RIMS2: variants seen among roughly 807,000 people sequenced by gnomAD.
RIMS2 encodes the protein regulating synaptic membrane exocytosis protein 2.
In RIMS2, 59 loss-of-function variants were observed where a neutral mutation model predicts 174.4. The observed-to-expected ratio is 0.34, with a 90% CI of 0.27 to 0.42. RIMS2 has a LOEUF of 0.42. RIMS2 is among the 10% of genes least tolerant of loss of function. The pLI, the probability that RIMS2 is intolerant of heterozygous loss-of-function variation, is 1.00. For synonymous variants in RIMS2, 606 were observed against 572.5 expected (o/e 1.06, Z -0.84); for missense variants, 1,620 against 1,666.3 (o/e 0.97, Z 0.48).
intron 19 of RIMS2, among the ~76,000 whole-genome samples, chr8:104,023,099 G>A (rs180686040): frequency 3.3e-5 from 5 of 152,226 alleles, no homozygotes; most frequent in Admixed American, 3.3e-4. Context: ...AAGTTTAAGG[G>A]AGGACATTGT....
chr8:103,548,864 A>G (rs1345116028), intron 1 of RIMS2, among the ~76,000 whole-genome samples: 1 of 152,170 alleles, frequency 6.6e-6, no homozygotes, highest in East Asian at 1.9e-4. Context: ...AAGCATTTTT[A>G]TACATCAATG....
intron 2 of RIMS2, among the ~76,000 whole-genome samples, chr8:103,709,526 A>G (rs2097277134): frequency 6.6e-6 from 1 of 152,100 alleles, no homozygotes. Flanking sequence ...TTTGTTAGGT[A>G]TATTTGGAGC....
chr8:103,795,082 T>G (rs1247703227), intron 3 of RIMS2, among the ~76,000 whole-genome samples: 1 of 152,222 alleles, frequency 6.6e-6, no homozygotes, highest in African/African-American at 2.4e-5. Context: ...ATCCCATTAC[T>G]GGGTATATAC....
chr8:103,855,157 C>T (rs2099020950), intron 3 of RIMS2, among the ~76,000 whole-genome samples: 1 of 151,928 alleles, frequency 6.6e-6, no homozygotes, highest in Non-Finnish European at 1.5e-5. Context: ...GAGATGTTTA[C>T]ACTATTCTCC....
chr8:103,580,966 A>T (rs917872231), intron 1 of RIMS2, among the ~76,000 whole-genome samples: 1 of 150,924 alleles, frequency 6.6e-6, no homozygotes, highest in Non-Finnish European at 1.5e-5. Context: ...GGTAGCTGGG[A>T]CTACAGGCGC....
intron 1 of RIMS2, among the ~76,000 whole-genome samples, chr8:103,559,584 C>A (rs1184341199): frequency 6.6e-6 from 1 of 152,160 alleles, no homozygotes; most frequent in Non-Finnish European, 1.5e-5. Context: ...AGAATGTGAT[C>A]TTTTCCTAAT....
intron 3 of RIMS2, among the ~76,000 whole-genome samples, chr8:103,863,197 T>C (rs187694348): frequency 2.0e-5 from 3 of 151,912 alleles, no homozygotes; most frequent in Non-Finnish European, 4.4e-5. Flanking sequence ...TTTGTCAGAA[T>C]TTTTTTTGAC....
At chr8:104,040,537 T>C (rs1302599801) in intron 19 of RIMS2, among the ~76,000 whole-genome samples, 1 of 151,680 alleles carries the variant, frequency 6.6e-6, no homozygotes, top group Non-Finnish European at 1.5e-5. Context: ...TTGATGGATT[T>C]GGATGGATAC....
chr8:103,772,220 C>T (rs1015816561), intron 3 of RIMS2, among the ~76,000 whole-genome samples: 1 of 151,770 alleles, frequency 6.6e-6, no homozygotes, highest in Non-Finnish European at 1.5e-5. Flanking sequence ...AAAGAAAGAA[C>T]TAACACTTTA....
At chr8:103,962,193 T>C (rs2090357612) in intron 15 of RIMS2, among the ~76,000 whole-genome samples, 3 of 152,176 alleles carry the variant, frequency 2.0e-5, no homozygotes, top group African/African-American at 7.2e-5. Context: ...CATTTTTGGA[T>C]GTTTCTGTCC....
At chr8:104,097,998 T>G (rs1222930798) in intron 19 of RIMS2, among the ~76,000 whole-genome samples, 2 of 152,146 alleles carry the variant, frequency 1.3e-5, no homozygotes, top group Non-Finnish European at 2.9e-5. Context: ...GTAACTAAAA[T>G]AAACAGAAGC....
At chr8:103,790,834 A>C (rs2098490549) in intron 3 of RIMS2, among the ~76,000 whole-genome samples, 1 of 152,234 alleles carries the variant, frequency 6.6e-6, no homozygotes, top group Non-Finnish European at 1.5e-5. Flanking sequence ...TTATGTTTAC[A>C]TTGTAAAAAA....
intron 15 of RIMS2, among the ~76,000 whole-genome samples, chr8:103,972,744 C>T (rs1263123780): frequency 6.6e-6 from 1 of 152,088 alleles, no homozygotes; most frequent in African/African-American, 2.4e-5. Flanking sequence ...TCAATTCTTT[C>T]TGAAATGTCA....
intron 1 of RIMS2, among the ~76,000 whole-genome samples, chr8:103,621,224 A>G (rs1051313147): frequency 2.0e-5 from 3 of 152,218 alleles, no homozygotes; most frequent in Non-Finnish European, 4.4e-5. Flanking sequence ...GAAAGGGTAC[A>G]CCCACCAGCA....
chr8:103,572,347 C>G (rs776416395), intron 1 of RIMS2, among the ~76,000 whole-genome samples: 78 of 152,090 alleles, frequency 5.1e-4, no homozygotes, highest in Non-Finnish European at 1.9e-4. Context: ...GCCCTGCGCA[C>G]GCCTTGCCGA....
At chr8:104,238,997 C>A (rs1190552760) in intron 19 of RIMS2, among the ~76,000 whole-genome samples, 1 of 152,054 alleles carries the variant, frequency 6.6e-6, no homozygotes, top group Non-Finnish European at 1.5e-5. Context: ...TTGAGAAAAC[C>A]CTGAATCCAA....
chr8:103,553,918 C>T (rs1051218161), intron 1 of RIMS2, among the ~76,000 whole-genome samples: 3 of 149,592 alleles, frequency 2.0e-5, no homozygotes, highest in African/African-American at 7.5e-5. Flanking sequence ...ATCATCTAAT[C>T]TTCGACAAAC....
At chr8:103,642,143 C>T (rs1465534255) in intron 1 of RIMS2, among the ~76,000 whole-genome samples, 1 of 152,004 alleles carries the variant, frequency 6.6e-6, no homozygotes, top group Non-Finnish European at 1.5e-5. Flanking sequence ...TCTAATTTTT[C>T]TCTCTCTTCT....
intron 1 of RIMS2, among the ~76,000 whole-genome samples, chr8:103,538,580 A>G (rs987562906): frequency 1.3e-5 from 2 of 151,138 alleles, no homozygotes; most frequent in African/African-American, 4.9e-5. Context: ...ACAGTGGCGC[A>G]ATCTCAGCTC....
Sources: gnomAD v4.1 joint callset for allele counts (sites outside exome capture counted in the v4.1 genomes callset) on GRCh38, gnomAD v4.1.1 for gene constraint, MANE v1.5 for transcripts, NCBI Gene and HGNC (gene_info 2026-07-23, HGNC 2026-07-21) for gene names.